The following C4orf51 variants were observed in gnomAD, a reference collection of about 807,000 sequenced individuals.
C4orf51 encodes uncharacterized protein C4orf51.
A neutral mutation model predicts 25.2 loss-of-function variants in C4orf51; 25 were observed. That is an observed-to-expected ratio of 0.99 (90% CI 0.72 to 1.39). C4orf51 has a LOEUF of 1.39. C4orf51 is among the 40% of genes most tolerant of loss of function. The pLI, the probability that C4orf51 is intolerant of heterozygous loss-of-function variation, is 0.00. For missense variants in C4orf51, 252 were observed against 239.6 expected (o/e 1.05, Z -0.34); for synonymous variants, 100 against 84.5 (o/e 1.18, Z -1.01).
the C4orf51 span, chr4:145,779,303 T>G: frequency 1.3e-6 from 2 of 1,540,234 alleles, no homozygotes; most frequent in Admixed American, 2.1e-5. Context: ...TTAGAGAAAC[T>G]CAGTTTCCGG....
chr4:145,769,655 G>C (rs529379710), intron 1 of C4orf51, among the ~76,000 whole-genome samples: 78 of 152,240 alleles, frequency 5.1e-4, no homozygotes, highest in African/African-American at 1.7e-3. Context: ...TGCTATGTCT[G>C]TGGAAAGAGC....
At chr4:145,733,316 G>A (rs2126779660), downstream of C4orf51, among the ~76,000 whole-genome samples, 1 of 152,182 alleles carries the variant, frequency 6.6e-6, no homozygotes, top group African/African-American at 2.4e-5. Context: ...CCCTCCTCCT[G>A]CTGATTCCCC....
chr4:145,750,580 G>C (rs10004089), intron 1 of C4orf51, among the ~76,000 whole-genome samples: 27,825 of 151,710 alleles, frequency 0.18, 2,640 homozygotes, highest in Admixed American at 0.23. Flanking sequence ...CTTTATCTTT[G>C]ACCTTTGGGA....
intron 1 of C4orf51, among the ~76,000 whole-genome samples, chr4:145,740,600 A>G (rs185022134): frequency 6.6e-6 from 1 of 152,356 alleles, no homozygotes; most frequent in Admixed American, 6.5e-5. Flanking sequence ...CATTTGTAAA[A>G]GCAGGTCCAC....
chr4:145,688,824 G>C (rs1278970749), intron 1 of C4orf51, among the ~76,000 whole-genome samples: 1 of 152,138 alleles, frequency 6.6e-6, no homozygotes, highest in Non-Finnish European at 1.5e-5. Context: ...TTGACACAAT[G>C]ATTCTAAAAT....
intron 1 of C4orf51, among the ~76,000 whole-genome samples, chr4:145,769,838 T>C (rs552137846): frequency 2.6e-5 from 4 of 152,274 alleles, no homozygotes; most frequent in South Asian, 2.1e-4. Context: ...CCCCTAAATA[T>C]TGCACAATTT....
the C4orf51 span, chr4:145,779,636 C>T: frequency 7.7e-6 from 10 of 1,298,654 alleles, no homozygotes; most frequent in East Asian, 2.5e-5. Context: ...GCAAATGAGT[C>T]TCCGTAACTG....
At chr4:145,764,773 CA>C (rs2126865040) in intron 1 of C4orf51, 3 of 610,470 alleles carry the variant, frequency 4.9e-6, no homozygotes, top group East Asian at 5.8e-5. Flanking sequence ...GGGGTATTTG[CA>C]AAATGGATTC....
intron 1 of C4orf51, among the ~76,000 whole-genome samples, chr4:145,753,169 TG>T (rs1733774292): frequency 6.7e-6 from 1 of 149,012 alleles, no homozygotes; most frequent in African/African-American, 2.6e-5. Flanking sequence ...TGTGTGTGTG[TG>T]TGTGTGTGTA....
the C4orf51 span, among the ~76,000 whole-genome samples, chr4:145,784,836 T>C: frequency 6.6e-6 from 1 of 152,224 alleles, no homozygotes; most frequent in Admixed American, 6.5e-5. Context: ...TTTGAAATAC[T>C]TGTCTAATGG....
At chr4:145,752,566 G>A (rs1733730455) in intron 1 of C4orf51, among the ~76,000 whole-genome samples, 1 of 152,190 alleles carries the variant, frequency 6.6e-6, no homozygotes, top group African/African-American at 2.4e-5. Context: ...CTGCTCAAAT[G>A]GAAGGAAGTG....
intron 1 of C4orf51, among the ~76,000 whole-genome samples, chr4:145,753,832 C>T (rs114317101): frequency 3.2e-4 from 48 of 152,320 alleles, no homozygotes; most frequent in African/African-American, 1.1e-3. Context: ...TCTCCAGTGG[C>T]TTCTCCCTAA....
At chr4:145,719,345 C>A (rs1731592104) in intron 2 of C4orf51, among the ~76,000 whole-genome samples, 1 of 152,274 alleles carries the variant, frequency 6.6e-6, no homozygotes, top group East Asian at 1.9e-4. Flanking sequence ...GTGGCTCACA[C>A]CTGTAATCCC....
chr4:145,712,251 C>G (rs1293607375), intron 2 of C4orf51, among the ~76,000 whole-genome samples: 1 of 152,140 alleles, frequency 6.6e-6, no homozygotes, highest in Non-Finnish European at 1.5e-5. Context: ...ATATTTCTTA[C>G]TTTAAATTAA....
At chr4:145,714,893 C>T (rs547456927) in intron 2 of C4orf51, among the ~76,000 whole-genome samples, 1 of 152,162 alleles carries the variant, frequency 6.6e-6, no homozygotes, top group African/African-American at 2.4e-5. Context: ...CTCTTGCTCC[C>T]TCTTTGGAGG....
chr4:145,716,859 G>T (rs556661581), intron 2 of C4orf51, among the ~76,000 whole-genome samples: 1 of 152,200 alleles, frequency 6.6e-6, no homozygotes, highest in African/African-American at 2.4e-5. Flanking sequence ...TCTGTGGTTT[G>T]TTGAAGCAAG....
chr4:145,685,908 A>G (rs1729127123), intron 1 of C4orf51, among the ~76,000 whole-genome samples: 1 of 152,222 alleles, frequency 6.6e-6, no homozygotes, highest in Non-Finnish European at 1.5e-5. Context: ...ACCCATGAGT[A>G]AAAATTAAAT....
intron 2 of C4orf51, among the ~76,000 whole-genome samples, chr4:145,724,964 TA>T (rs1479936047): frequency 1.3e-5 from 2 of 149,260 alleles, no homozygotes; most frequent in Non-Finnish European, 3.0e-5. Flanking sequence ...TTCTCACTCG[TA>T]AGTGGGAGCT....
intron 1 of C4orf51, among the ~76,000 whole-genome samples, chr4:145,738,380 G>A (rs985322297): frequency 3.3e-5 from 5 of 151,754 alleles, no homozygotes; most frequent in Non-Finnish European, 7.4e-5. Flanking sequence ...AACCTGGGAG[G>A]TGGAGGTTGC....
Sources: allele counts gnomAD v4.1 joint callset (sites outside exome capture counted in the v4.1 genomes callset), GRCh38; gene constraint gnomAD v4.1.1; transcripts MANE v1.5; gene names NCBI Gene and HGNC (gene_info 2026-07-23, HGNC 2026-07-21).